LEMD2: variants seen among roughly 807,000 people sequenced by gnomAD.
LEMD2 encodes the protein LEM domain-containing protein 2.
LEMD2 carries 34 observed loss-of-function variants against 58.8 expected under a neutral mutation model. The observed-to-expected ratio is 0.58, with a 90% confidence interval of 0.44 to 0.77. The LOEUF (loss-of-function observed/expected upper bound fraction) is 0.77. Among genes scored for constraint, LEMD2 ranks in the 30% least tolerant of loss-of-function variants. The pLI, the probability that LEMD2 is intolerant of heterozygous loss-of-function variation, is 0.00. For missense variants in LEMD2, 629 were observed against 717.9 expected (o/e 0.88, Z 1.42); for synonymous variants, 298 against 308.9 (o/e 0.96, Z 0.37).
chr6:33,772,835 A>C, intron 8 of LEMD2, 57 bp from the exon 9 acceptor site: 1 of 1,505,046 alleles, frequency 6.6e-7, no homozygotes, highest in Non-Finnish European at 9.1e-7. Context: ...CAGCCTGTGG[A>C]TGCCCCTCCT....
At chr6:33,777,581 T>C (rs979733065) in intron 6 of LEMD2, among the ~76,000 whole-genome samples, 2 of 152,130 alleles carry the variant, frequency 1.3e-5, no homozygotes, top group Non-Finnish European at 2.9e-5. Flanking sequence ...GGGCCCTTTG[T>C]ATTCCGAGAT....
At chr6:33,780,263 C>G in intron 4 of LEMD2, 84 bp from the exon 5 acceptor site, 2 of 1,214,160 alleles carry the variant, frequency 1.6e-6, no homozygotes, top group Non-Finnish European at 2.4e-6. Context: ...TAAGGAAGCC[C>G]TCTCCCGTGT....
In LEMD2 at chr6:33,784,417, G is replaced by T. The variant is rs760820422; in HGVS notation, c.788C>A (p.Ala263Asp). 7.5e-7 allele frequency: 1 copy of T among 1,334,338 alleles called. No homozygotes were observed. The highest frequency in any genetic ancestry group is 1.1e-5 in the South Asian group (1 of 87,034). The allele number at this position is 1,334,338 out of a possible 1,614,324, so 82.7% of individuals were successfully genotyped here. ...CTCCAGCAAGGCTGCCTTCTGCTTG[G>T]CCTGACAGAACTGGAAAGGCACGGG... ...CERKTDEFCQ[A>D]KQKAALLELL... Residue 263 changes from alanine (A) to aspartate (D), a missense_variant, in exon 3 of 9, where the codon GCC becomes GAC. Around this residue, in one of 2 missense-constraint regions of LEMD2, gnomAD observed 243 missense variants for 336.8 expected, o/e 0.72. Transcript: ENST00000293760.
intron 1 of LEMD2, among the ~76,000 whole-genome samples, chr6:33,787,681 T>C (rs904721583): frequency 2.0e-5 from 3 of 152,236 alleles, no homozygotes; most frequent in Non-Finnish European, 4.4e-5. Flanking sequence ...GGATACATAC[T>C]GTATCCTGCA....
rs970520113 is a variant in LEMD2 at position 33,772,077 on chromosome 6, G to C, written c.*551C>G. 1 of 153,032 alleles carries C rather than the reference G, an allele frequency of 6.5e-6. No individual in the cohort carries two copies. Among genetic ancestry groups the C allele is most frequent in the African/African-American group, 2.4e-5 (1 of 41,426 alleles). The allele number at this position is 153,032 out of a possible 1,614,324, so 9.5% of individuals were successfully genotyped here. A position where few individuals can be genotyped will look rare whatever the true frequency, so the allele number is the denominator to read the frequency against. ...GTGTCTGGGCCTGGTGTTTCTAGAC[G>C]GTCCCCCCTACAGTCACTTGTTCTA... On this transcript the variant is annotated 3_prime_UTR_variant, in exon 9 of 9. Transcript: ENST00000293760.
chr6:33,778,180 C>T lies in LEMD2; in HGVS notation c.1156+62G>A. 6.9e-7 allele frequency: 1 copy of T among 1,450,084 alleles called. No individual in the cohort carries two copies. Among genetic ancestry groups the T allele is most frequent in the Non-Finnish European group, 9.2e-7 (1 of 1,089,250 alleles). The allele number at this position is 1,450,084 out of a possible 1,614,324, so 89.8% of individuals were successfully genotyped here. ...CGGGCCTGGAATTTCTATAGCTCAT[C>T]ATTCATGCCTAGGAGTATGCTTGAC... On this transcript the variant is annotated intron_variant, in intron 6 of 8. Transcript: ENST00000293760. This position sits in a 1 kb window ranked among gnomAD's most constrained non-coding sequence, Gnocchi z 4.7.
rs753784235 is a variant in LEMD2 at position 33,788,383 on chromosome 6, T to C, written c.734A>G (p.Asn245Ser). Residue 245 changes from asparagine to serine, a missense_variant and splice_region_variant, in exon 1 of 9, where the codon AAC (asparagine) becomes AGC (serine). Coordinates refer to ENST00000293760, the MANE Select transcript of LEMD2 (RefSeq NM_181336.4). ...KPSAPQEAED[N>S]MKLLPVDCER... ...CCCTGCGCCGGCCCAGGACGTACTGTTGTCCTCCGCCTCCTGCGGCGCTGA... is the reference window on the plus strand; with the variant it reads ...CCCTGCGCCGGCCCAGGACGTACTGCTGTCCTCCGCCTCCTGCGGCGCTGA... 2 of 1,573,794 alleles carry C rather than the reference T, an allele frequency of 1.3e-6. No homozygotes were observed. The highest frequency in any genetic ancestry group is 1.2e-5 in the South Asian group (1 of 86,282).
At position 33,788,857 on chromosome 6, in the gene LEMD2, G is replaced by A; in HGVS notation, c.260C>T (p.Pro87Leu). ...GCCCGAGGCCGGCTGGGAGAGCCAG[G>A]GCTCCGCCCGCGGAGAGGCCGCGGC... Reference protein sequence around the residue: ...RPAAASPRAEPWLSQPASGSA... With the variant: ...RPAAASPRAELWLSQPASGSA... Residue 87 changes from proline to leucine, a missense_variant, in exon 1 of 9, where the codon CCC becomes CTC. By Grantham distance (98) the Pro-to-Leu change is moderately conservative (BLOSUM62 -3). Coordinates refer to ENST00000293760, the MANE Select transcript of LEMD2 (RefSeq NM_181336.4). 2 of 1,384,702 alleles carry A rather than the reference G, an allele frequency of 1.4e-6. No individual in the cohort carries two copies. Among genetic ancestry groups the A allele is most frequent in the Non-Finnish European group, 1.9e-6 (2 of 1,076,748 alleles). The allele number at this position is 1,384,702 out of a possible 1,614,324, so 85.8% of individuals were successfully genotyped here. A position where few individuals can be genotyped will look rare whatever the true frequency, so the allele number is the denominator to read the frequency against.
chr6:33,788,293 T>C, intron 1 of LEMD2, 88 bp downstream of exon 1: 2 of 1,337,624 alleles, frequency 1.5e-6, no homozygotes, highest in Non-Finnish European at 2.0e-6. Context: ...AGGCCGGAAG[T>C]GCGCGGCCTG....
intron 2 of LEMD2, 74 bp downstream of exon 2, chr6:33,786,660 T>A: frequency 8.8e-7 from 1 of 1,137,118 alleles, no homozygotes; most frequent in Non-Finnish European, 1.3e-6. Context: ...ATTCTTTTTC[T>A]GGGGAAGTTT....
chr6:33,788,829 C>A lies in LEMD2; in HGVS notation c.288G>T (p.Ser96=), dbSNP rs940462644. The change falls in exon 1 of 9, where the codon TCG becomes TCT. Residue 96 remains serine (S), a synonymous_variant. Coordinates refer to ENST00000293760, the MANE Select transcript of LEMD2 (RefSeq NM_181336.4). ...EPWLSQPASG[S]AYATPGAYGD... Reference sequence around the variant, plus strand: ...CGTAGGCCCCAGGGGTCGCGTAGGCCGAGCCCGAGGCCGGCTGGGAGAGCC... The same window carrying A: ...CGTAGGCCCCAGGGGTCGCGTAGGCAGAGCCCGAGGCCGGCTGGGAGAGCC... The A allele has an allele frequency of 7.0e-6, 10 of 1,425,430 alleles. No homozygotes were observed. Among genetic ancestry groups the A allele is most frequent in the Non-Finnish European group, 7.3e-6 (8 of 1,092,300 alleles). The allele number at this position is 1,425,430 out of a possible 1,614,324, so 88.3% of individuals were successfully genotyped here.
At chr6:33,787,328 C>G (rs1224509626) in intron 1 of LEMD2, among the ~76,000 whole-genome samples, 1 of 116,280 alleles carries the variant, frequency 8.6e-6, no homozygotes, top group Non-Finnish European at 2.0e-5. Context: ...TCTAGCAGGT[C>G]GACAAACTAT....
Position 33,778,555 on chromosome 6 carries a change from T to G in LEMD2, c.1011-168A>C. The G allele has an allele frequency of 2.1e-6, 1 of 472,284 alleles. No homozygotes were observed. Among genetic ancestry groups the G allele is most frequent in the Non-Finnish European group, 3.6e-6 (1 of 276,732 alleles). The allele number at this position is 472,284 out of a possible 1,614,324, so 29.3% of individuals were successfully genotyped here. Reference sequence around the variant, plus strand: ...GCATTCTTTCCAGAAATTTCCCACATTGGCTACTTAGAATGAATAAAGCTT... The same window carrying G: ...GCATTCTTTCCAGAAATTTCCCACAGTGGCTACTTAGAATGAATAAAGCTT... On this transcript the variant is annotated intron_variant, in intron 5 of 8. Transcript: ENST00000293760. This position sits in a 1 kb window ranked among gnomAD's most constrained non-coding sequence, Gnocchi z 4.7.
At chr6:33,776,120 C>T (rs1182464726) in intron 8 of LEMD2, among the ~76,000 whole-genome samples, 3 of 152,202 alleles carry the variant, frequency 2.0e-5, no homozygotes, top group Non-Finnish European at 4.4e-5. Flanking sequence ...GGCCCTGCCA[C>T]CCCTTCCCAT....
intron 8 of LEMD2, among the ~76,000 whole-genome samples, chr6:33,775,982 T>TG (rs34065166): frequency 6.0e-4 from 91 of 151,920 alleles, no homozygotes; most frequent in East Asian, 3.5e-3. Context: ...GAGCCAACAC[T>TG]GGGGGGGGCC....
chr6:33,785,392 G>A (rs779002419), intron 2 of LEMD2, among the ~76,000 whole-genome samples: 1 of 152,144 alleles, frequency 6.6e-6, no homozygotes, highest in Non-Finnish European at 1.5e-5. Flanking sequence ...GGATATCTGC[G>A]TCTGAAGCCC....
intron 2 of LEMD2, among the ~76,000 whole-genome samples, chr6:33,785,884 GAAAT>G (rs1767665252): frequency 6.6e-6 from 1 of 152,220 alleles, no homozygotes; most frequent in Non-Finnish European, 1.5e-5. Flanking sequence ...AAGCCAAAGA[GAAAT>G]AAAAGCCGTT....
chr6:33,788,218 CCT>C (rs965594790), intron 1 of LEMD2, among the ~76,000 whole-genome samples, 161 bp downstream of exon 1: 9 of 152,214 alleles, frequency 5.9e-5, no homozygotes, highest in Non-Finnish European at 2.9e-5. Flanking sequence ...GAGCCTTGGC[CCT>C]CTCTTCCCAC....
intron 8 of LEMD2, among the ~76,000 whole-genome samples, chr6:33,773,554 G>A (rs1177575143): frequency 6.6e-6 from 1 of 150,758 alleles, no homozygotes; most frequent in Non-Finnish European, 1.5e-5. Context: ...CATGGGAGCA[G>A]AAGGGGAGGA....
Sources: allele counts gnomAD v4.1 joint callset (sites outside exome capture counted in the v4.1 genomes callset), GRCh38; gene constraint gnomAD v4.1.1; regional missense constraint gnomAD v4.1.1; non-coding constraint Gnocchi (gnomAD v3.1); transcripts MANE v1.5; gene names NCBI Gene and HGNC (gene_info 2026-07-23, HGNC 2026-07-21).